Variants in NBEAL2 observed in about 807,000 individuals in gnomAD.
NBEAL2 encodes the protein neurobeachin like 2.
Under a neutral mutation model 299.8 loss-of-function variants are expected in NBEAL2, and 160 were observed. That is an observed-to-expected ratio of 0.53 (90% confidence interval 0.47 to 0.61). The LOEUF (loss-of-function observed/expected upper bound fraction) is 0.61. NBEAL2 is among the 20% of genes least tolerant of loss of function. The pLI is 0.00. For missense variants in NBEAL2, 3,112 were observed against 3,649.0 expected (o/e 0.85, Z 3.79); for synonymous variants, 1,493 against 1,542.3 (o/e 0.97, Z 0.75).
rs1262620756 is a variant in NBEAL2, at chr3:46,979,894, G to A, written c.33G>A (p.Trp11Ter). 2.2e-6 allele frequency: 1 copy of A among 464,720 alleles called. No individual in the cohort carries two copies. Among genetic ancestry groups the A allele is most frequent in the Admixed American group, 3.3e-5 (1 of 30,582 alleles). The allele number at this position is 464,720 out of a possible 1,614,324, so 28.8% of individuals were successfully genotyped here. The change falls in exon 1 of 54, where the codon TGG becomes TGA. Residue 11 changes from tryptophan to a stop codon, truncating the protein, a stop_gained. Coordinates refer to ENST00000450053, the MANE Select transcript of NBEAL2 (RefSeq NM_015175.3). LOFTEE classifies it high-confidence loss of function. ...CCTCGGAGCGGCTGTACGAGTTGTG[G>A]CTGCTCTACTACGCGCAGGTGAGCC... MAASERLYEL[W>*]LLYYAQKDLG...
In NBEAL2 at chr3:46,996,377, C is replaced by T. The variant is rs2036501114; in HGVS notation, c.2258C>T (p.Ala753Val). 1.9e-6 allele frequency: 3 copies of T among 1,612,242 alleles called. No individual in the cohort carries two copies. The highest frequency in any genetic ancestry group is 2.7e-5 in the African/African-American group (2 of 74,926). Residue 753 changes from alanine to valine, a missense_variant, in exon 16 of 54, where the codon GCC becomes GTC. By Grantham distance (64) the Ala-to-Val change is moderately conservative. This residue lies in a region of NBEAL2 where 2,243 missense variants were observed against 2,538.1 expected (regional missense o/e 0.88). Transcript: ENST00000450053. ...GCCACCCTGGCCTACACTCACCCCG[C>T]CCTCACCCGCTCCCAGTCAGTCCCA... ...VPATLAYTHPALTRSQSVPAS... is the reference protein window; with the variant it reads ...VPATLAYTHPVLTRSQSVPAS...
In NBEAL2 at chr3:47,002,941, G is replaced by A. The variant is rs1215262729; in HGVS notation, c.5460-16G>A. Reference sequence around the variant, plus strand: ...ACAGCCTTCTACCGACCCATGACCTGGGGGACATTCTGCAGGGACACTCCC... The same window carrying A: ...ACAGCCTTCTACCGACCCATGACCTAGGGGACATTCTGCAGGGACACTCCC... On this transcript the variant is annotated splice_polypyrimidine_tract_variant and intron_variant, in intron 33 of 53. Transcript: ENST00000450053. The A allele has an allele frequency of 1.9e-6, 3 of 1,611,936 alleles. No individual in the cohort carries two copies. The African/African-American group carries it at 4.0e-5, about 22-fold the overall frequency.
intron 20 of NBEAL2, among the ~76,000 whole-genome samples, 184 bp downstream of exon 20, chr3:46,997,878 G>C (rs2036616879): frequency 6.6e-6 from 1 of 152,254 alleles, no homozygotes; most frequent in Non-Finnish European, 1.5e-5. Flanking sequence ...CACAGGTCGG[G>C]GCAGGGACCC....
rs2035957483 is a variant in NBEAL2 at position 46,989,796 on chromosome 3, G to A, written c.556+203G>A. Among the ~76,000 whole-genome samples the A allele has an allele frequency of 6.6e-6, 1 of 152,048 alleles. No homozygotes were observed. Among genetic ancestry groups the A allele is most frequent in the Non-Finnish European group, 1.5e-5 (1 of 67,994 alleles). On this transcript the variant is annotated intron_variant, in intron 6 of 53. Coordinates refer to ENST00000450053, the MANE Select transcript of NBEAL2 (RefSeq NM_015175.3). The surrounding 1 kb of genome is among the most constrained non-coding windows in gnomAD (Gnocchi z 5.5). Reference sequence around the variant, plus strand: ...GCGAGGGCCTCCCATCAGGTGGAGGGGTGGGGTCAACCTGCCTACCCAGAT... The same window carrying A: ...GCGAGGGCCTCCCATCAGGTGGAGGAGTGGGGTCAACCTGCCTACCCAGAT...
At chr3:47,005,375 G>C in intron 40 of NBEAL2, 54 bp downstream of exon 40, 1 of 1,581,348 alleles carries the variant, frequency 6.3e-7, no homozygotes, top group Non-Finnish European at 8.6e-7. Context: ...GGAGGAGGCT[G>C]GTCCTCCCCA....
rs1239960051 is a variant in NBEAL2 at position 46,982,478 on chromosome 3, TAGTG to T, written c.51+2569_51+2572del. ...GGGCCCGGCTCAACTGGGGGCCTCATAGTGAGGGAGGGGGCTGTGGGTGGCTGCT... is the reference window on the plus strand; with the variant it reads ...GGGCCCGGCTCAACTGGGGGCCTCATAGGGAGGGGGCTGTGGGTGGCTGCT... On this transcript the variant is annotated intron_variant, in intron 1 of 53. Coordinates refer to ENST00000450053, the MANE Select transcript of NBEAL2 (RefSeq NM_015175.3). The surrounding 1 kb of genome is among the most constrained non-coding windows in gnomAD (Gnocchi z 4.2). 3.3e-5 allele frequency among the ~76,000 whole-genome samples: 5 copies of T among 151,980 alleles called. No homozygotes were observed. The highest frequency in any genetic ancestry group is 9.7e-5 in the African/African-American group (4 of 41,346).
chr3:46,989,677 G>C lies in NBEAL2; in HGVS notation c.556+84G>C. ...CGTTCCTTGATCCTGCCATACACAG[G>C]AACCACTTGGTGGTGGCTGCATGCA... is the stretch of plus-strand genomic sequence containing the variant. On this transcript the variant is annotated intron_variant, in intron 6 of 53. Coordinates refer to ENST00000450053, the MANE Select transcript of NBEAL2 (RefSeq NM_015175.3). The surrounding 1 kb of genome is among the most constrained non-coding windows in gnomAD (Gnocchi z 5.5). The C allele has an allele frequency of 8.1e-7, 1 of 1,239,580 alleles. No homozygotes were observed. The highest frequency in any genetic ancestry group is 1.2e-6 in the Non-Finnish European group (1 of 864,276). 76.8% of individuals were successfully genotyped at this position (1,239,580 alleles called of 1,614,324 possible).
At chr3:47,006,523 G>C in intron 45 of NBEAL2, 74 bp downstream of exon 45, 2 of 1,332,948 alleles carry the variant, frequency 1.5e-6, no homozygotes, top group Non-Finnish European at 2.1e-6. Context: ...CCAACCACGT[G>C]GGGCAGATGG....
At position 47,001,034 on chromosome 3, in the gene NBEAL2, A is replaced by T. The variant is rs755341330; in HGVS notation, c.4339A>T (p.Thr1447Ser). 1.9e-6 allele frequency: 3 copies of T among 1,611,364 alleles called. No homozygotes were observed. Among genetic ancestry groups the T allele is most frequent in the Non-Finnish European group, 1.7e-6 (2 of 1,179,140 alleles). The change falls in exon 28 of 54, where the codon ACC (threonine) becomes TCC (serine). Residue 1447 changes from threonine (T) to serine (S), a missense_variant. Around this residue, in one of 3 missense-constraint regions of NBEAL2, gnomAD observed 2,243 missense variants for 2,538.1 expected, o/e 0.88. Coordinates refer to ENST00000450053, the MANE Select transcript of NBEAL2 (RefSeq NM_015175.3). The surrounding 1 kb of genome is among the most constrained non-coding windows in gnomAD (Gnocchi z 6.1). ...TGAGGAAGAGTTGTGCAATCTGCTC[A>T]CCAACGTGCTGTTCTCGGTGACGTG... ...TSEEELCNLL[T>S]NVLFSVTWRG...
At position 47,007,091 on chromosome 3, in the gene NBEAL2, T is replaced by TGCTA. The variant is rs1333059478; in HGVS notation, c.7163_7166dup (p.Leu2390SerfsTer38). On this transcript the variant is annotated frameshift_variant, in exon 46 of 54. Transcript: ENST00000450053. LOFTEE classifies it high-confidence loss of function. ...GTTGTCAGTGATGGTGTACCCCTGG[T>TGCTA]GCTAGCCCTGGTCCCCCACCGGCAG... 6.2e-7 allele frequency: 1 copy of TGCTA among 1,612,902 alleles called. No individual in the cohort carries two copies. Among genetic ancestry groups the TGCTA allele is most frequent in the South Asian group, 1.1e-5 (1 of 90,884 alleles).
chr3:46,994,520 C>T lies in NBEAL2; in HGVS notation c.1263C>T (p.Pro421=), dbSNP rs375033318. The change falls in exon 12 of 54, where the codon CCC becomes CCT. Residue 421 remains proline (P), a synonymous_variant. Coordinates refer to ENST00000450053, the MANE Select transcript of NBEAL2 (RefSeq NM_015175.3). ...AGGTTCTGCAGAGCCATGGTCCCCC[C>T]ACCCATCGGCTGTTGCAAGAGCTGC... is the stretch of plus-strand genomic sequence containing the variant. The part of the protein sequence containing the change: ...LQEVLQSHGP[P]THRLLQELLN... 11 of 1,591,392 alleles carry T rather than the reference C, an allele frequency of 6.9e-6. No individual in the cohort carries two copies. The highest frequency in any genetic ancestry group is 2.3e-5 in the East Asian group (1 of 44,214).
chr3:46,999,783 G>A, intron 26 of NBEAL2, 68 bp downstream of exon 26: 1 of 1,592,110 alleles, frequency 6.3e-7, no homozygotes, highest in Non-Finnish European at 8.6e-7. Flanking sequence ...CTTCCACCTT[G>A]CCTGTCTCAT....
chr3:46,987,787 C>A (rs2035771772), intron 1 of NBEAL2, among the ~76,000 whole-genome samples: 1 of 152,184 alleles, frequency 6.6e-6, no homozygotes, highest in African/African-American at 2.4e-5. Context: ...ACAAGCCCCA[C>A]CCAGGACAGG....
In NBEAL2 at chr3:46,998,788, G is replaced by T; in HGVS notation, c.3293G>T (p.Arg1098Met). Residue 1098 changes from arginine (R) to methionine (M), a missense_variant, in exon 23 of 54, where the codon AGG becomes ATG. Arg to Met is a moderately conservative substitution (Grantham distance 91, BLOSUM62 -1). This residue lies in a region of NBEAL2 where 2,243 missense variants were observed against 2,538.1 expected (regional missense o/e 0.88). Coordinates refer to ENST00000450053, the MANE Select transcript of NBEAL2 (RefSeq NM_015175.3). ...CAGACCTCCCTCCTGGGCCTGGCGA[G>T]GGAGTTCCTGGTGCGGAGTCTCTCA... is the stretch of plus-strand genomic sequence containing the variant. ...TVQTSLLGLA[R>M]EFLVRSLSAD... is the part of the protein sequence containing the mutation. 6.4e-7 allele frequency: 1 copy of T among 1,566,688 alleles called. No homozygotes were observed. Among genetic ancestry groups the T allele is most frequent in the Non-Finnish European group, 8.7e-7 (1 of 1,155,870 alleles).
At chr3:46,999,508 A>T (rs770438345) in intron 25 of NBEAL2, 34 bp downstream of exon 25, 2 of 1,581,818 alleles carry the variant, frequency 1.3e-6, no homozygotes, top group Non-Finnish European at 1.7e-6. Flanking sequence ...GGAGGGGGTG[A>T]CATGTCAGAA....
chr3:47,006,930 AG>A, intron 45 of NBEAL2, 135 bp from the exon 46 acceptor site: 1 of 690,840 alleles, frequency 1.4e-6, no homozygotes, highest in Non-Finnish European at 2.4e-6. Flanking sequence ...TGTTTCTTGG[AG>A]GGAACCTCTG....
At chr3:46,997,188 G>T (rs1030923718) in intron 18 of NBEAL2, 71 bp from the exon 19 acceptor site, 5 of 1,586,354 alleles carry the variant, frequency 3.2e-6, no homozygotes, top group Non-Finnish European at 4.3e-6. Context: ...CTTTCTGGGT[G>T]GTCTGCTGGG....
In NBEAL2 at chr3:47,003,327, G is replaced by T; in HGVS notation, c.5720+18G>T. On this transcript the variant is annotated intron_variant, in intron 35 of 53. Transcript: ENST00000450053. The surrounding 1 kb of genome is among the most constrained non-coding windows in gnomAD (Gnocchi z 7.0). ...GAGACCCCGTGAGTGGGGCCCTGGAGAGATTGGACTGGTGTGGTGGGCAAG... is the reference window on the plus strand; with the variant it reads ...GAGACCCCGTGAGTGGGGCCCTGGATAGATTGGACTGGTGTGGTGGGCAAG... 1 of 1,609,078 alleles carries T rather than the reference G, an allele frequency of 6.2e-7. No individual in the cohort carries two copies. The highest frequency in any genetic ancestry group is 1.1e-5 in the South Asian group (1 of 90,646).
Position 47,003,686 on chromosome 3 carries a change from G to GCAGC in NBEAL2, c.5721-128_5721-125dup, listed in dbSNP as rs1186159219. ...GGGACCAGTAGGTTCTGGACCCTAG[G>GCAGC]CAGCCCCTCCCCATCTCTGGGAGTC... On this transcript the variant is annotated intron_variant, in intron 35 of 53. Transcript: ENST00000450053. This position sits in a 1 kb window ranked among gnomAD's most constrained non-coding sequence, Gnocchi z 7.0. The GCAGC allele has an allele frequency of 2.4e-5, 30 of 1,243,454 alleles. No individual in the cohort carries two copies. The East Asian group carries it at 7.5e-4, about 31-fold the overall frequency. 77.0% of individuals were successfully genotyped at this position (1,243,454 alleles called of 1,614,324 possible). A position where few individuals can be genotyped will look rare whatever the true frequency, so the allele number is the denominator to read the frequency against.
Sources: allele counts gnomAD v4.1 joint callset (sites outside exome capture counted in the v4.1 genomes callset), GRCh38; gene constraint gnomAD v4.1.1; regional missense constraint gnomAD v4.1.1; non-coding constraint Gnocchi (gnomAD v3.1); transcripts MANE v1.5; gene names NCBI Gene and HGNC (gene_info 2026-07-23, HGNC 2026-07-21).